Variants in USP15 observed in about 807,000 individuals in gnomAD.
USP15 encodes the protein ubiquitin carboxyl-terminal hydrolase 15.
In USP15, 18 loss-of-function variants were observed where a neutral mutation model predicts 127.1. The observed-to-expected ratio is 0.14, with a 90% confidence interval of 0.10 to 0.21. The LOEUF (loss-of-function observed/expected upper bound fraction) is 0.21, where lower values mean the gene tolerates loss of function less well. USP15 is among the 10% of genes least tolerant of loss of function. The pLI is 1.00. For missense variants in USP15, 805 were observed against 1,159.9 expected (o/e 0.69, Z 4.44); for synonymous variants, 364 against 393.7 (o/e 0.92, Z 0.89).
At chr12:62,299,324 G>C (rs2064233933) in intron 2 of USP15, among the ~76,000 whole-genome samples, 1 of 152,126 alleles carries the variant, frequency 6.6e-6, no homozygotes, top group Non-Finnish European at 1.5e-5. Flanking sequence ...TGGCCAGGCT[G>C]GTCTCTGAAC....
chr12:62,309,952 T>C (rs1278918832), intron 3 of USP15, among the ~76,000 whole-genome samples: 1 of 151,924 alleles, frequency 6.6e-6, no homozygotes, highest in Non-Finnish European at 1.5e-5. Flanking sequence ...TTAGAAATCT[T>C]AGCCAGTATG....
At chr12:62,310,869 T>G (rs183912395) in intron 3 of USP15, among the ~76,000 whole-genome samples, 7 of 152,212 alleles carry the variant, frequency 4.6e-5, no homozygotes, top group Admixed American at 3.3e-4. Context: ...TTCCCTTTTC[T>G]CCGCATCTTC....
At position 62,405,422 on chromosome 12, in the gene USP15, T is replaced by C. The variant is rs763995463; in HGVS notation, c.*1047T>C. ...GGAATTCACCATAGCCTTACAGCTT[T>C]TCTCAGAAGGTAACTTGTTATAAGA... On this transcript the variant is annotated 3_prime_UTR_variant, in exon 22 of 22. Transcript: ENST00000280377. 2.0e-5 allele frequency: 3 copies of C among 152,604 alleles called. No individual in the cohort carries two copies. Among genetic ancestry groups the C allele is most frequent in the Non-Finnish European group, 4.4e-5 (3 of 67,996 alleles). 9.5% of individuals were successfully genotyped at this position (152,604 alleles called of 1,614,324 possible).
chr12:62,298,174 T>C (rs1054092799), intron 2 of USP15, among the ~76,000 whole-genome samples: 1 of 152,074 alleles, frequency 6.6e-6, no homozygotes, highest in Admixed American at 6.6e-5. Context: ...AACCAATTTG[T>C]GTGTATGGAA....
intron 9 of USP15, among the ~76,000 whole-genome samples, chr12:62,382,220 CAAAT>C (rs2067011424): frequency 6.6e-6 from 1 of 151,872 alleles, no homozygotes; most frequent in Non-Finnish European, 1.5e-5. Context: ...TGTTACTTAT[CAAAT>C]AATTTATTGT....
intron 3 of USP15, among the ~76,000 whole-genome samples, chr12:62,309,770 G>T (rs566673140): frequency 6.6e-5 from 10 of 151,588 alleles, no homozygotes; most frequent in African/African-American, 2.2e-4. Context: ...AATTTTAGCA[G>T]ACTAAAGGAG....
At chr12:62,267,351 G>T (rs1471586001) in intron 1 of USP15, 8 of 152,154 alleles carry the variant, frequency 5.3e-5, no homozygotes. Flanking sequence ...CTCAGTTTTG[G>T]ATACAGATTA....
chr12:62,288,434 T>G (rs1345293576), intron 1 of USP15, among the ~76,000 whole-genome samples: 2 of 151,416 alleles, frequency 1.3e-5, no homozygotes, highest in African/African-American at 4.9e-5. Flanking sequence ...ATAAAATTGC[T>G]TCTGGTTTTT....
At chr12:62,336,915 GATAGA>G (rs2065484982) in intron 6 of USP15, among the ~76,000 whole-genome samples, 1 of 152,160 alleles carries the variant, frequency 6.6e-6, no homozygotes, top group Non-Finnish European at 1.5e-5. Context: ...AAAGTTAAAT[GATAGA>G]ATCTGAAACC....
At chr12:62,394,202 G>T (rs1212632167) in intron 19 of USP15, among the ~76,000 whole-genome samples, 1 of 152,194 alleles carries the variant, frequency 6.6e-6, no homozygotes, top group Non-Finnish European at 1.5e-5. Context: ...TAGTTATTCA[G>T]CAGAAGGACT....
At chr12:62,350,589 T>G (rs1402693960) in intron 7 of USP15, among the ~76,000 whole-genome samples, 1 of 152,174 alleles carries the variant, frequency 6.6e-6, no homozygotes, top group African/African-American at 2.4e-5. Context: ...AAGACAGTCT[T>G]AGAAACACTG....
At chr12:62,391,091 A>G (rs1286731895) in intron 15 of USP15, 66 bp from the exon 16 acceptor site, 3 of 1,497,484 alleles carry the variant, frequency 2.0e-6, no homozygotes, top group Non-Finnish European at 2.7e-6. Flanking sequence ...ACCTAGGATT[A>G]ATAATATTAA....
intron 8 of USP15, among the ~76,000 whole-genome samples, chr12:62,376,614 G>T (rs956507052): frequency 1.2e-4 from 18 of 152,248 alleles, no homozygotes; most frequent in Admixed American, 6.5e-4. Context: ...AAACTTATAA[G>T]TAGCCACAAA....
intron 3 of USP15, among the ~76,000 whole-genome samples, 162 bp from the exon 4 acceptor site, chr12:62,314,628 T>C (rs1315612500): frequency 6.6e-6 from 1 of 151,962 alleles, no homozygotes; most frequent in Non-Finnish European, 1.5e-5. Context: ...TTTTGAAGTT[T>C]TAACTATCCA....
chr12:62,344,166 A>G (rs1292421164), intron 6 of USP15, among the ~76,000 whole-genome samples: 1 of 152,204 alleles, frequency 6.6e-6, no homozygotes, highest in African/African-American at 2.4e-5. Context: ...GTCTCATTCA[A>G]GACAAGGCAA....
chr12:62,282,615 G>A (rs766662796), intron 1 of USP15, among the ~76,000 whole-genome samples: 2 of 152,198 alleles, frequency 1.3e-5, no homozygotes, highest in Admixed American at 1.3e-4. Context: ...GTGCTGCATA[G>A]CATGATGAAA....
chr12:62,385,436 A>G (rs2067117834), intron 11 of USP15, among the ~76,000 whole-genome samples: 1 of 152,044 alleles, frequency 6.6e-6, no homozygotes, highest in Non-Finnish European at 1.5e-5. Context: ...TGTAGTGTTC[A>G]TAAACACACA....
rs567579109 is a variant in USP15 at position 62,398,263 on chromosome 12, G to A, written c.2674+1865G>A. Among the ~76,000 whole-genome samples, 4 of 152,224 alleles carry A rather than the reference G, an allele frequency of 2.6e-5. No homozygotes were observed. The East Asian group carries it at 7.7e-4, about 29-fold the overall frequency. ...CTACCTCAGCCTCCTGAGTATCAGG[G>A]ACTACAGGTGCATGCCACGACACCT... On this transcript the variant is annotated intron_variant, in intron 20 of 21. Transcript: ENST00000280377.
chr12:62,289,713 G>GTGTGTGTGTGTA (rs1327484865), intron 1 of USP15, among the ~76,000 whole-genome samples: 6 of 151,082 alleles, frequency 4.0e-5, no homozygotes. Flanking sequence ...GTGTGTGTGT[G>GTGTGTGTGTGTA]TGTGTGTGTG....
Sources: gnomAD v4.1 joint callset for allele counts (sites outside exome capture counted in the v4.1 genomes callset) on GRCh38, gnomAD v4.1.1 for gene constraint, MANE v1.5 for transcripts, NCBI Gene and HGNC (gene_info 2026-07-23, HGNC 2026-07-21) for gene names.